Variants in DENND2A observed in about 807,000 individuals in gnomAD.
The protein encoded by DENND2A is DENN domain-containing protein 2A.
A neutral mutation model predicts 105.3 loss-of-function variants in DENND2A; 53 were observed. The observed-to-expected ratio is 0.50, with a 90% CI of 0.40 to 0.63. The LOEUF is 0.63. Among genes scored for constraint, DENND2A ranks in the 30% least tolerant of loss-of-function variants. The pLI is 0.00. For synonymous variants in DENND2A, 522 were observed against 508.4 expected, an observed-to-expected ratio of 1.03 and a Z score of -0.36; for missense variants, 1,138 against 1,279.6, an observed-to-expected ratio of 0.89 and a Z score of 1.69.
rs1280237396 is a variant in DENND2A, at chr7:140,602,301, G to T, written c.97C>A (p.Pro33Thr). ...KQLRGVQNPC[P>T]SARARPRHKS... ...TGCCGGGGTCTGGCTCTGGCAGATG[G>T]GCAAGGGTTCTGAACACCTCTGAGC... Residue 33 changes from proline to threonine, a missense_variant, in exon 3 of 20, where the codon CCA becomes ACA. This residue lies in a region of DENND2A where 511 missense variants were observed against 499.9 expected (regional missense o/e 1.02). Coordinates refer to ENST00000496613, the MANE Select transcript of DENND2A (RefSeq NM_015689.5). The T allele has an allele frequency of 3.1e-6, 5 of 1,607,904 alleles. No individual in the cohort carries two copies. The highest frequency in any genetic ancestry group is 4.2e-6 in the Non-Finnish European group (5 of 1,179,990).
intron 9 of DENND2A, among the ~76,000 whole-genome samples, chr7:140,561,314 CTGT>C (rs1467423334): frequency 1.3e-5 from 2 of 152,122 alleles, no homozygotes; most frequent in East Asian, 1.9e-4. Context: ...GGCTTTGTTG[CTGT>C]TGTTGTTAAT....
intron 5 of DENND2A, 116 bp from the exon 6 acceptor site, chr7:140,574,124 C>G: frequency 8.3e-7 from 1 of 1,209,142 alleles, no homozygotes; most frequent in South Asian, 1.3e-5. Context: ...GGTCTATGTT[C>G]CCAGGTTAGG....
intron 15 of DENND2A, among the ~76,000 whole-genome samples, chr7:140,526,730 T>G (rs1288440808): frequency 6.6e-6 from 1 of 152,158 alleles, no homozygotes; most frequent in Non-Finnish European, 1.5e-5. Flanking sequence ...CAGACACAAA[T>G]GCAGGACAGA....
chr7:140,533,896 T>C (rs535648101), intron 14 of DENND2A, among the ~76,000 whole-genome samples: 5 of 152,150 alleles, frequency 3.3e-5, no homozygotes, highest in South Asian at 4.2e-4. Flanking sequence ...CTTATTCCTC[T>C]TGCTCTGTAG....
At chr7:140,581,579 C>G (rs1798543157) in intron 5 of DENND2A, among the ~76,000 whole-genome samples, 1 of 152,182 alleles carries the variant, frequency 6.6e-6, no homozygotes, top group Non-Finnish European at 1.5e-5. Flanking sequence ...GCGGTAGATA[C>G]TCCATGAATA....
intron 9 of DENND2A, among the ~76,000 whole-genome samples, chr7:140,560,864 G>A (rs986920944): frequency 3.2e-4 from 49 of 152,176 alleles, no homozygotes; most frequent in African/African-American, 1.0e-3. Context: ...AACCCAGGAG[G>A]TGGAGGTTGC....
intron 1 of DENND2A, among the ~76,000 whole-genome samples, chr7:140,611,356 A>T: frequency 6.6e-6 from 1 of 152,052 alleles, no homozygotes; most frequent in South Asian, 2.1e-4. Context: ...ACATTGCAAG[A>T]ACCCATCTCT....
At position 140,601,768 on chromosome 7, in the gene DENND2A, GCCACTCCCGCCTC is replaced by G. The variant is rs983778089; in HGVS notation, c.617_629del (p.Gly206AlafsTer107). 6.2e-7 allele frequency: 1 copy of G among 1,613,912 alleles called. No homozygotes were observed. The highest frequency in any genetic ancestry group is 1.7e-5 in the Admixed American group (1 of 59,986). On this transcript the variant is annotated frameshift_variant, in exon 3 of 20. Transcript: ENST00000496613. LOFTEE classifies it high-confidence loss of function. ...GGTGGACCCTCTGGCTGACTTCTGA[GCCACTCCCGCCTC>G]CCAGGTTCTCAGGAAGGGTGGACCC... is the stretch of plus-strand genomic sequence containing the variant.
chr7:140,519,564 C>G, intron 19 of DENND2A, 68 bp downstream of exon 19: 3 of 1,438,662 alleles, frequency 2.1e-6, no homozygotes, highest in South Asian at 2.3e-5. Flanking sequence ...GTGGAGGGAA[C>G]CGGCTGGGAC....
intron 14 of DENND2A, among the ~76,000 whole-genome samples, chr7:140,534,974 G>A (rs1286069215): frequency 2.6e-5 from 4 of 152,148 alleles, no homozygotes; most frequent in Non-Finnish European, 4.4e-5. Flanking sequence ...GAGTGTTGGA[G>A]CAGTATTCCA....
At chr7:140,584,514 G>A (rs1388032811) in intron 5 of DENND2A, among the ~76,000 whole-genome samples, 1 of 152,214 alleles carries the variant, frequency 6.6e-6, no homozygotes, top group Non-Finnish European at 1.5e-5. Context: ...GGGGTAATGG[G>A]TGCCAAGATA....
chr7:140,613,442 A>G (rs1033382338), intron 1 of DENND2A, among the ~76,000 whole-genome samples: 11 of 151,276 alleles, frequency 7.3e-5, no homozygotes, highest in Admixed American at 7.3e-4. Context: ...TGGGAGGCTG[A>G]GGCAGGAGAA....
chr7:140,563,219 C>A (rs983570462), intron 9 of DENND2A, among the ~76,000 whole-genome samples: 1 of 152,200 alleles, frequency 6.6e-6, no homozygotes, highest in Non-Finnish European at 1.5e-5. Flanking sequence ...ACAGCCCAGT[C>A]ACTACTTGCA....
intron 1 of DENND2A, among the ~76,000 whole-genome samples, chr7:140,613,004 C>T (rs1415623874): frequency 2.0e-5 from 3 of 151,826 alleles, no homozygotes; most frequent in African/African-American, 4.8e-5. Context: ...ATCCCAGCTA[C>T]TTGGGAGGCT....
intron 14 of DENND2A, among the ~76,000 whole-genome samples, chr7:140,538,128 T>G (rs1458041889): frequency 6.6e-6 from 1 of 152,208 alleles, no homozygotes. Context: ...TTGGCTCAAC[T>G]TAAAACCCTT....
At chr7:140,594,251 G>T (rs184016443) in intron 3 of DENND2A, among the ~76,000 whole-genome samples, 3 of 152,088 alleles carry the variant, frequency 2.0e-5, no homozygotes, top group Non-Finnish European at 4.4e-5. Context: ...TCTTAAAAAT[G>T]TTCCTTTTTT....
intron 5 of DENND2A, among the ~76,000 whole-genome samples, chr7:140,579,220 G>A (rs1033524131): frequency 2.8e-4 from 43 of 151,898 alleles, no homozygotes; most frequent in Middle Eastern, 3.2e-3. Context: ...TTGAATCCCG[G>A]AGGCGGAGGT....
intron 12 of DENND2A, among the ~76,000 whole-genome samples, chr7:140,553,898 T>C (rs1185708869): frequency 6.6e-6 from 1 of 152,192 alleles, no homozygotes; most frequent in Non-Finnish European, 1.5e-5. Flanking sequence ...TACTTCTTTC[T>C]ACACAGACAC....
At chr7:140,532,990 GC>G (rs1036932053) in intron 14 of DENND2A, among the ~76,000 whole-genome samples, 8 of 122,094 alleles carry the variant, frequency 6.6e-5, no homozygotes, top group African/African-American at 2.0e-4. Context: ...AAGGCTACCT[GC>G]TTTTTTTTTT....
Sources: gnomAD v4.1 joint callset for allele counts (sites outside exome capture counted in the v4.1 genomes callset) on GRCh38, gnomAD v4.1.1 for gene constraint, gnomAD v4.1.1 regional missense constraint, MANE v1.5 for transcripts, NCBI Gene and HGNC (gene_info 2026-07-23, HGNC 2026-07-21) for gene names.